NGEF: variants seen among roughly 807,000 people sequenced by gnomAD.
NGEF encodes neuronal guanine nucleotide exchange factor.
In NGEF, 31 loss-of-function variants were observed where a neutral mutation model predicts 80.9. The ratio of observed to expected loss-of-function variants is 0.38; its 90% CI spans 0.29 to 0.52. The LOEUF (loss-of-function observed/expected upper bound fraction) is 0.52. NGEF is among the 20% of genes least tolerant of loss of function. The pLI is 0.84. For synonymous variants in NGEF, 371 were observed against 370.2 expected, an observed-to-expected ratio of 1.00 and a Z score of -0.03; for missense variants, 709 against 926.2, an observed-to-expected ratio of 0.77 and a Z score of 3.04.
rs558058107 is a variant in NGEF, at chr2:232,985,560, G to T, written c.-74-10596C>A. The stretch of plus-strand genomic sequence containing the variant: ...GAGGTCAGCAGATCGAGACCATCCT[G>T]GCTAACATGGTGAAACCCTGTCTCT... On this transcript the variant is annotated intron_variant, in intron 1 of 14. Coordinates refer to ENST00000264051, the MANE Select transcript of NGEF (RefSeq NM_019850.3). Among the ~76,000 whole-genome samples the T allele has an allele frequency of 3.9e-5, 6 of 152,184 alleles. No individual in the cohort carries two copies. In the South Asian group the frequency reaches 1.2e-3, roughly 32 times the overall value.
intron 5 of NGEF, 87 bp downstream of exon 5, chr2:232,920,197 C>G (rs1222326974): frequency 7.5e-7 from 1 of 1,338,442 alleles, no homozygotes; most frequent in East Asian, 2.3e-5. Flanking sequence ...GCCAGGGAAC[C>G]TCACCCCCCA....
intron 5 of NGEF, among the ~76,000 whole-genome samples, chr2:232,911,048 G>A (rs1417171783): frequency 2.0e-5 from 3 of 152,140 alleles, no homozygotes; most frequent in African/African-American, 7.2e-5. Context: ...TGGTTTTGGT[G>A]TTGTATCTGA....
intron 1 of NGEF, among the ~76,000 whole-genome samples, chr2:232,993,713 C>T (rs1440614434): frequency 6.6e-6 from 1 of 152,144 alleles, no homozygotes; most frequent in Non-Finnish European, 1.5e-5. Flanking sequence ...GGTGATCTAT[C>T]CTTACAGTGA....
intron 6 of NGEF, among the ~76,000 whole-genome samples, chr2:232,893,732 A>G (rs1691964280): frequency 2.0e-5 from 3 of 152,128 alleles, no homozygotes; most frequent in Admixed American, 2.0e-4. Context: ...TTGAGATCGC[A>G]CCATTGCACT....
intron 3 of NGEF, among the ~76,000 whole-genome samples, chr2:232,949,302 C>G (rs1318029436): frequency 1.3e-5 from 2 of 152,174 alleles, no homozygotes; most frequent in Non-Finnish European, 2.9e-5. Context: ...TCATCTGACT[C>G]AATGAACTGC....
chr2:232,952,623 A>G (rs1234655668), intron 3 of NGEF, among the ~76,000 whole-genome samples: 3 of 152,178 alleles, frequency 2.0e-5, no homozygotes, highest in Non-Finnish European at 2.9e-5. Flanking sequence ...TTACTAAACA[A>G]TATTTTGGGG....
chr2:233,005,972 ACATCTGG>A, intron 1 of NGEF, among the ~76,000 whole-genome samples: 1 of 152,226 alleles, frequency 6.6e-6, no homozygotes. Context: ...ACCTGCCACC[ACATCTGG>A]CTAATTTTTG....
chr2:232,956,291 G>C (rs965439591), intron 3 of NGEF, among the ~76,000 whole-genome samples: 2 of 152,050 alleles, frequency 1.3e-5, no homozygotes, highest in African/African-American at 4.8e-5. Context: ...CAAGCTTATG[G>C]GTCCATCAGT....
At chr2:232,886,405 C>T (rs1020668427) in intron 9 of NGEF, among the ~76,000 whole-genome samples, 1 of 151,274 alleles carries the variant, frequency 6.6e-6, no homozygotes, top group Non-Finnish European at 1.5e-5. Flanking sequence ...CGTGTATGTG[C>T]TGTGCGTGTG....
intron 4 of NGEF, among the ~76,000 whole-genome samples, chr2:232,923,737 C>G (rs1024166064): frequency 6.6e-6 from 1 of 152,164 alleles, no homozygotes; most frequent in African/African-American, 2.4e-5. Context: ...CCTACCATGA[C>G]AGTTCCTTGC....
chr2:232,895,233 C>T (rs1018602498), intron 5 of NGEF, among the ~76,000 whole-genome samples: 3 of 152,044 alleles, frequency 2.0e-5, no homozygotes, highest in Non-Finnish European at 2.9e-5. Flanking sequence ...AAGACAAAAA[C>T]GAGAGAGGTC....
chr2:232,983,424 G>T (rs1392056990), intron 1 of NGEF, among the ~76,000 whole-genome samples: 1 of 152,108 alleles, frequency 6.6e-6, no homozygotes, highest in African/African-American at 2.4e-5. Flanking sequence ...TGCCTGAGGG[G>T]TGAATGGAGA....
chr2:232,953,890 C>T (rs879310237), intron 3 of NGEF, among the ~76,000 whole-genome samples: 28 of 152,050 alleles, frequency 1.8e-4, no homozygotes, highest in Non-Finnish European at 2.6e-4. Flanking sequence ...TGATAGAAAC[C>T]GGCACTCAGG....
intron 5 of NGEF, among the ~76,000 whole-genome samples, chr2:232,898,978 G>GTA (rs2106243429): frequency 6.6e-6 from 1 of 152,274 alleles, no homozygotes; most frequent in African/African-American, 2.4e-5. Context: ...ATGCATGTGT[G>GTA]TGTGTGAATG....
At chr2:232,887,996 T>G (rs756589703) in intron 9 of NGEF, 37 bp downstream of exon 9, 2 of 1,538,186 alleles carry the variant, frequency 1.3e-6, no homozygotes, top group East Asian at 4.5e-5. Flanking sequence ...AGGAAAACAG[T>G]GCATTGGGAT....
At chr2:232,894,141 G>A (rs1398977750) in intron 6 of NGEF, among the ~76,000 whole-genome samples, 1 of 152,204 alleles carries the variant, frequency 6.6e-6, no homozygotes, top group African/African-American at 2.4e-5. Flanking sequence ...CTTTCATCCT[G>A]GCCACATGAT....
At chr2:232,950,046 A>T (rs778220691) in intron 3 of NGEF, among the ~76,000 whole-genome samples, 16 of 152,152 alleles carry the variant, frequency 1.1e-4, no homozygotes, top group Non-Finnish European at 2.2e-4. Flanking sequence ...TGCTGACCTC[A>T]GGTGATACAC....
In NGEF at chr2:232,898,616, G is replaced by A. The variant is rs115915053; in HGVS notation, c.829-3700C>T. Among the ~76,000 whole-genome samples, 749 of 152,292 alleles carry A rather than the reference G, an allele frequency of 4.9e-3. 3 individuals are homozygous for A. The highest frequency in any genetic ancestry group is 0.017 in the African/African-American group (724 of 41,556). On this transcript the variant is annotated intron_variant, in intron 5 of 14. Transcript: ENST00000264051. ...TTTGCTCTCATTTAAGCCTCTACATGGCAGCATAGAGCTGACGAGGGATCC... is the reference window on the plus strand; with the variant it reads ...TTTGCTCTCATTTAAGCCTCTACATAGCAGCATAGAGCTGACGAGGGATCC...
At chr2:232,972,744 C>CT (rs61594239) in intron 2 of NGEF, among the ~76,000 whole-genome samples, 12,736 of 120,484 alleles carry the variant, frequency 0.11, 1,955 homozygotes, top group East Asian at 0.25. Flanking sequence ...TGTCCTTATC[C>CT]TTTTTTTTTT....
Sources: allele counts gnomAD v4.1 joint callset (sites outside exome capture counted in the v4.1 genomes callset), GRCh38; gene constraint gnomAD v4.1.1; transcripts MANE v1.5; gene names NCBI Gene and HGNC (gene_info 2026-07-23, HGNC 2026-07-21).